COBL: variants seen among roughly 807,000 people sequenced by gnomAD.
COBL encodes the protein cordon-bleu WH2 repeat protein.
COBL carries 51 observed loss-of-function variants against 98.8 expected under a neutral mutation model. The observed-to-expected ratio is 0.52, with a 90% CI of 0.41 to 0.65. COBL has a LOEUF of 0.65. COBL is among the 30% of genes least tolerant of loss of function. The pLI is 0.00. For synonymous variants in COBL, 634 were observed against 651.7 expected (o/e 0.97, Z 0.41); for missense variants, 1,617 against 1,617.5 (o/e 1.00, Z 0.01).
At chr7:51,018,953 T>TATATATATATATATA (rs1786639112) in intron 12 of COBL, among the ~76,000 whole-genome samples, 1 of 110,568 alleles carries the variant, frequency 9.0e-6, no homozygotes, top group African/African-American at 3.1e-5. Flanking sequence ...TATATATATA[T>TATATATATATATATA]GATTTTTTTT....
At chr7:51,031,690 G>T (rs1788164176) in intron 8 of COBL, 1 of 152,200 alleles carries the variant, frequency 6.6e-6, no homozygotes. Flanking sequence ...TACTATAAAT[G>T]ACTTTTACAG....
At chr7:51,217,311 G>A (rs1793147997) in intron 2 of COBL, among the ~76,000 whole-genome samples, 2 of 150,352 alleles carry the variant, frequency 1.3e-5, no homozygotes, top group Admixed American at 6.6e-5. Context: ...ATTAAGACAT[G>A]ATCCACAATG....
At chr7:51,174,009 AATTCTCC>A (rs1185412805) in intron 5 of COBL, among the ~76,000 whole-genome samples, 2 of 152,122 alleles carry the variant, frequency 1.3e-5, no homozygotes, top group Non-Finnish European at 1.5e-5. Flanking sequence ...ATGCCTCAAT[AATTCTCC>A]ATTCTTAGCA....
chr7:51,263,943 T>G (rs560129935), intron 1 of COBL, among the ~76,000 whole-genome samples: 1 of 152,318 alleles, frequency 6.6e-6, no homozygotes, highest in South Asian at 2.1e-4. Flanking sequence ...GGCACTGTGG[T>G]AGGTTCTTAG....
intron 5 of COBL, among the ~76,000 whole-genome samples, chr7:51,141,126 TAA>T (rs879858577): frequency 2.8e-5 from 4 of 142,688 alleles, no homozygotes; most frequent in African/African-American, 7.7e-5. Flanking sequence ...TAAATCGATT[TAA>T]AAAAAAAAAA....
chr7:51,099,699 T>C (rs1346737407), intron 6 of COBL, among the ~76,000 whole-genome samples: 1 of 152,048 alleles, frequency 6.6e-6, no homozygotes, highest in Non-Finnish European at 1.5e-5. Context: ...TTAAAAATGA[T>C]TAAGATTATA....
intron 1 of COBL, among the ~76,000 whole-genome samples, chr7:51,285,773 G>C (rs1800300948): frequency 6.6e-6 from 1 of 152,182 alleles, no homozygotes; most frequent in Non-Finnish European, 1.5e-5. Context: ...GCAAAGAAAT[G>C]AGAAGAGCCA....
At chr7:51,096,237 T>C in intron 6 of COBL, among the ~76,000 whole-genome samples, 1 of 152,098 alleles carries the variant, frequency 6.6e-6, no homozygotes, top group Admixed American at 6.5e-5. Flanking sequence ...GTCACAAATA[T>C]GTGGAAACTG....
intron 2 of COBL, among the ~76,000 whole-genome samples, chr7:51,193,861 G>A (rs1790354006): frequency 6.6e-6 from 1 of 152,176 alleles, no homozygotes; most frequent in South Asian, 2.1e-4. Context: ...CCAAGGGTAT[G>A]TTGAGTTGGA....
At chr7:51,269,032 C>T (rs740544) in intron 1 of COBL, among the ~76,000 whole-genome samples, 9,623 of 151,848 alleles carry the variant, frequency 0.063, 545 homozygotes, top group East Asian at 0.3. Flanking sequence ...CCCAGGGAAG[C>T]GAGGTTGATG....
At chr7:51,248,304 TAA>T (rs1796437237) in intron 1 of COBL, among the ~76,000 whole-genome samples, 1 of 152,172 alleles carries the variant, frequency 6.6e-6, no homozygotes, top group Non-Finnish European at 1.5e-5. Context: ...GAATATGAAA[TAA>T]GAGATACGAT....
chr7:51,065,180 T>C (rs1040432877), intron 7 of COBL: 2 of 702,518 alleles, frequency 2.8e-6, no homozygotes, highest in African/African-American at 3.5e-5. Context: ...ATTTCAGAGG[T>C]AGGTAAGACA....
At chr7:51,087,645 T>C (rs1016188804) in intron 6 of COBL, among the ~76,000 whole-genome samples, 1 of 152,052 alleles carries the variant, frequency 6.6e-6, no homozygotes, top group Non-Finnish European at 1.5e-5. Flanking sequence ...GGCTAATTTT[T>C]GTATTTTCAG....
At chr7:51,105,888 C>A (rs769880814) in intron 6 of COBL, among the ~76,000 whole-genome samples, 8 of 152,074 alleles carry the variant, frequency 5.3e-5, no homozygotes, top group Non-Finnish European at 7.4e-5. Flanking sequence ...ATGGTGACAT[C>A]CTGATCTTAC....
At chr7:51,083,171 T>G (rs919001143) in intron 7 of COBL, 7 of 1,500,010 alleles carry the variant, frequency 4.7e-6, no homozygotes, top group Non-Finnish European at 5.3e-6. Context: ...AAGCACTAAC[T>G]GGGGTGGACC....
At chr7:51,241,624 T>C (rs1000045901) in intron 1 of COBL, among the ~76,000 whole-genome samples, 1 of 152,224 alleles carries the variant, frequency 6.6e-6, no homozygotes, top group Admixed American at 6.5e-5. Context: ...AGCAGTTTGA[T>C]GAAATGGAAG....
chr7:51,244,836 C>T (rs1796146789), intron 1 of COBL, among the ~76,000 whole-genome samples: 2 of 152,212 alleles, frequency 1.3e-5, no homozygotes, highest in South Asian at 4.1e-4. Context: ...GCTCCACCTT[C>T]ACCACGCCTC....
intron 1 of COBL, among the ~76,000 whole-genome samples, chr7:51,276,905 A>G (rs1208091706): frequency 6.6e-6 from 1 of 152,226 alleles, no homozygotes; most frequent in African/African-American, 2.4e-5. Context: ...GCTGAGGCTC[A>G]TAAGATTTGA....
chr7:51,203,667 T>C (rs1791383431), intron 2 of COBL, among the ~76,000 whole-genome samples: 1 of 151,456 alleles, frequency 6.6e-6, no homozygotes, highest in African/African-American at 2.4e-5. Context: ...TGTACCAAAA[T>C]TGAGTCAAGG....
Sources: gnomAD v4.1 joint callset for allele counts (sites outside exome capture counted in the v4.1 genomes callset) on GRCh38, gnomAD v4.1.1 for gene constraint, MANE v1.5 for transcripts, NCBI Gene and HGNC (gene_info 2026-07-23, HGNC 2026-07-21) for gene names.